Variants in DDX28 observed in about 807,000 individuals in gnomAD.
DDX28 encodes the protein DEAD-box helicase 28.
In DDX28, 25 loss-of-function variants were observed where a neutral mutation model predicts 26.8. The ratio of observed to expected loss-of-function variants is 0.93; its 90% confidence interval spans 0.68 to 1.30. The LOEUF is 1.30. DDX28 is among the 50% of genes most tolerant of loss of function. DDX28 has a pLI of 0.00. For synonymous variants in DDX28, 370 were observed against 311.9 expected (o/e 1.19, Z -1.96); for missense variants, 790 against 695.1 (o/e 1.14, Z -1.53).
In DDX28 at chr16:68,022,749, T is replaced by C. The variant is rs1357483595; in HGVS notation, c.454A>G (p.Thr152Ala). 1.9e-6 allele frequency: 3 copies of C among 1,612,482 alleles called. No individual in the cohort carries two copies. The Admixed American group carries it at 5.0e-5, about 27-fold the overall frequency. Reference protein sequence around the residue: ...QEAAPEVVQPTTVQSSTIPSL... With the variant: ...QEAAPEVVQPATVQSSTIPSL... ...GGGATGGTGCTAGACTGCACGGTTG[T>C]GGGCTGAACGACTTCAGGCGCAGCC... The change falls in exon 1 of 1, where the codon ACA becomes GCA. Residue 152 changes from threonine (T) to alanine (A), a missense_variant. Transcript: ENST00000332395.
rs775706536 is a variant in DDX28, at chr16:68,021,705, T to A, written c.1498A>T (p.Ile500Phe). 1.9e-6 allele frequency: 3 copies of A among 1,614,102 alleles called. No individual in the cohort carries two copies. In the East Asian group the frequency reaches 6.7e-5, roughly 36 times the overall value. The change falls in exon 1 of 1, where the codon ATC (isoleucine) becomes TTC (phenylalanine). Residue 500 changes from isoleucine to phenylalanine, a missense_variant. By Grantham distance (21) the Ile-to-Phe change is conservative (BLOSUM62 0). Transcript: ENST00000332395. The stretch of plus-strand genomic sequence containing the variant: ...TCCCAGGGATGGGTCACAAAACTGA[T>A]GACGGTGCCTGGCACCTCGCTCCCC... ...RVGSEVPGTV[I>F]SFVTHPWDVS...
In DDX28 at chr16:68,022,028, T is replaced by C; in HGVS notation, c.1175A>G (p.Glu392Gly). The change falls in exon 1 of 1, where the codon GAA (glutamate) becomes GGA (glycine). Residue 392 changes from glutamate to glycine, a missense_variant. Glu to Gly is a moderately conservative substitution (Grantham distance 98). Transcript: ENST00000332395. The part of the protein sequence containing the change: ...VHILKHRDRA[E>G]RTGPSGTVLV... Reference sequence around the variant, plus strand: ...AACAGTTCCTGAGGGACCAGTCCTTTCTGCTCTGTCACGATGCTTGAGGAT... The same window carrying C: ...AACAGTTCCTGAGGGACCAGTCCTTCCTGCTCTGTCACGATGCTTGAGGAT... The C allele has an allele frequency of 6.2e-7, 1 of 1,614,206 alleles. No homozygotes were observed. The highest frequency in any genetic ancestry group is 8.5e-7 in the Non-Finnish European group (1 of 1,180,036).
Position 68,022,525 on chromosome 16 carries a change from C to T in DDX28, c.678G>A (p.Leu226=), listed in dbSNP as rs751289432. The part of the protein sequence containing the change: ...AQQVRAVAQP[L]GRSLGLLVRD... ...GCACCAGCAGGCCCAAGGAGCGGCC[C>T]AAGGGTTGGGCCACAGCCCGCACCT... The change falls in exon 1 of 1, where the codon TTG becomes TTA. Residue 226 remains leucine, a synonymous_variant. Coordinates refer to ENST00000332395, the MANE Select transcript of DDX28 (RefSeq NM_018380.4). 4 of 1,613,924 alleles carry T rather than the reference C, an allele frequency of 2.5e-6. No homozygotes were observed. The highest frequency in any genetic ancestry group is 3.4e-6 in the Non-Finnish European group (4 of 1,180,032).
Position 68,022,768 on chromosome 16 carries a change from C to T in DDX28, c.435G>A (p.Ala145=). 1.9e-6 allele frequency: 3 copies of T among 1,611,088 alleles called. No homozygotes were observed. Among genetic ancestry groups the T allele is most frequent in the African/African-American group, 1.3e-5 (1 of 75,020 alleles). ...PRVLHALQEA[A]PEVVQPTTVQ... is the part of the protein sequence containing the mutation. ...CGGTTGTGGGCTGAACGACTTCAGG[C>T]GCAGCCTCCTGTAGTGCGTGCAGCA... Residue 145 remains alanine (A), a synonymous_variant, in exon 1 of 1, where the codon GCG becomes GCA. Coordinates refer to ENST00000332395, the MANE Select transcript of DDX28 (RefSeq NM_018380.4).
rs779768845 is a variant in DDX28 at position 68,023,006 on chromosome 16, G to A, written c.197C>T (p.Pro66Leu). ...LPRPVLVRPGPLLVSARRPEL... is the reference protein window; with the variant it reads ...LPRPVLVRPGLLLVSARRPEL... ...CGGCCGCCGCGCCGAAACCAGCAGC[G>A]GTCCGGGTCGAACCAGCACCGGCCT... The change falls in exon 1 of 1, where the codon CCG (proline) becomes CTG (leucine). Residue 66 changes from proline to leucine, a missense_variant. Pro to Leu is a moderately conservative substitution (Grantham distance 98). Coordinates refer to ENST00000332395, the MANE Select transcript of DDX28 (RefSeq NM_018380.4). The A allele has an allele frequency of 2.0e-5, 31 of 1,571,846 alleles. No homozygotes were observed. The highest frequency in any genetic ancestry group is 2.6e-5 in the Non-Finnish European group (30 of 1,167,516).
Position 68,022,666 on chromosome 16 carries a change from A to G in DDX28, c.537T>C (p.Thr179=). The change falls in exon 1 of 1, where the codon ACT becomes ACC. Residue 179 remains threonine (T), a synonymous_variant. Transcript: ENST00000332395. ...VCAAETGSGK[T]LSYLLPLLQR... ...GAAGCAGCGGCAGGAGGTAGCTGAG[A>G]GTCTTGCCACTGCCGGTTTCTGCGG... The G allele has an allele frequency of 2.5e-6, 4 of 1,613,178 alleles. No homozygotes were observed. The highest frequency in any genetic ancestry group is 3.4e-6 in the Non-Finnish European group (4 of 1,179,944).
In DDX28 at chr16:68,021,296, C is replaced by T. The variant is rs187325255; in HGVS notation, c.*284G>A. On this transcript the variant is annotated 3_prime_UTR_variant, in exon 1 of 1. Coordinates refer to ENST00000332395, the MANE Select transcript of DDX28 (RefSeq NM_018380.4). ...GAATTCCGCCCCGGTGCTAATTATT[C>T]TTAGGGGAGGCACATAAAAACATCA... The T allele has an allele frequency of 1.6e-4, 69 of 426,748 alleles. No homozygotes were observed. The East Asian group carries it at 2.5e-3, about 15-fold the overall frequency. The allele number at this position is 426,748 out of a possible 1,614,324, so 26.4% of individuals were successfully genotyped here.
Position 68,021,908 on chromosome 16 carries a change from G to GT in DDX28, c.1294_1295insA (p.Pro432HisfsTer42). On this transcript the variant is annotated frameshift_variant, in exon 1 of 1. Coordinates refer to ENST00000332395, the MANE Select transcript of DDX28 (RefSeq NM_018380.4). LOFTEE classifies it high-confidence loss of function. ...GAAGATTCCTACCCTCATCAAGGCTGGCATTTGCCCCTGCAACCTTAGGTG... is the reference window on the plus strand; with the variant it reads ...GAAGATTCCTACCCTCATCAAGGCTGTGCATTTGCCCCTGCAACCTTAGGTG... The GT allele has an allele frequency of 6.2e-7, 1 of 1,614,170 alleles. No individual in the cohort carries two copies. The highest frequency in any genetic ancestry group is 8.5e-7 in the Non-Finnish European group (1 of 1,180,036).
Position 68,021,994 on chromosome 16 carries a change from G to C in DDX28, c.1209C>G (p.Phe403Leu), listed in dbSNP as rs750911225. The change falls in exon 1 of 1, where the codon TTC becomes TTG. Residue 403 changes from phenylalanine (F) to leucine (L), a missense_variant. Physicochemically the swap from Phe to Leu is conservative, Grantham distance 22. Coordinates refer to ENST00000332395, the MANE Select transcript of DDX28 (RefSeq NM_018380.4). The stretch of plus-strand genomic sequence containing the variant: ...AGTTCACAGTGCTGGAGCTATTACA[G>C]AACACCAGAACAGTTCCTGAGGGAC... The part of the protein sequence containing the change: ...RTGPSGTVLV[F>L]CNSSSTVNWL... 1 of 1,614,196 alleles carries C rather than the reference G, an allele frequency of 6.2e-7. No homozygotes were observed. The highest frequency in any genetic ancestry group is 8.5e-7 in the Non-Finnish European group (1 of 1,180,038).
In DDX28 at chr16:68,022,551, G is replaced by C; in HGVS notation, c.652C>G (p.Gln218Glu). Residue 218 changes from glutamine (Q) to glutamate (E), a missense_variant, in exon 1 of 1, where the codon CAG becomes GAG. By Grantham distance (29) the Gln-to-Glu change is conservative (BLOSUM62 2). Transcript: ENST00000332395. ...VLVPSRELAQQVRAVAQPLGR... is the reference protein window; with the variant it reads ...VLVPSRELAQEVRAVAQPLGR... The stretch of plus-strand genomic sequence containing the variant: ...AAGGGTTGGGCCACAGCCCGCACCT[G>C]TTGGGCCAATTCTCGGGAAGGAACA... 6.2e-7 allele frequency: 1 copy of C among 1,614,004 alleles called. No individual in the cohort carries two copies. The highest frequency in any genetic ancestry group is 8.5e-7 in the Non-Finnish European group (1 of 1,180,026).
Position 68,021,463 on chromosome 16 carries a change from G to T in DDX28, c.*117C>A. 1 of 1,105,642 alleles carries T rather than the reference G, an allele frequency of 9.0e-7. No homozygotes were observed. Among genetic ancestry groups the T allele is most frequent in the Non-Finnish European group, 1.3e-6 (1 of 781,018 alleles). 68.5% of individuals were successfully genotyped at this position (1,105,642 alleles called of 1,614,324 possible). ...TCCAAGTCACAAAGCAGTTCATCCC[G>T]CCCTCAAGGAGCCGACAGGGCAGCC... On this transcript the variant is annotated 3_prime_UTR_variant, in exon 1 of 1. Transcript: ENST00000332395.
At position 68,021,277 on chromosome 16, in the gene DDX28, C is replaced by T. The variant is rs1210607257; in HGVS notation, c.*303G>A. The T allele has an allele frequency of 1.1e-5, 4 of 358,376 alleles. No individual in the cohort carries two copies. Among genetic ancestry groups the T allele is most frequent in the East Asian group, 1.2e-4 (2 of 16,534 alleles). The allele number at this position is 358,376 out of a possible 1,614,324, so 22.2% of individuals were successfully genotyped here. ...TGAATCCTCAGAAACTACTGAATTC[C>T]GCCCCGGTGCTAATTATTCTTAGGG... On this transcript the variant is annotated 3_prime_UTR_variant, in exon 1 of 1. Transcript: ENST00000332395.
chr16:68,022,570 A>C lies in DDX28; in HGVS notation c.633T>G (p.Pro211=). 6.2e-7 allele frequency: 1 copy of C among 1,614,006 alleles called. No homozygotes were observed. ...GCACCTGTTGGGCCAATTCTCGGGA[A>C]GGAACAAGGACCAGGCCTCGGGGCG... ...IPAPRGLVLV[P]SRELAQQVRA... The change falls in exon 1 of 1, where the codon CCT becomes CCG. Residue 211 remains proline, a synonymous_variant. Coordinates refer to ENST00000332395, the MANE Select transcript of DDX28 (RefSeq NM_018380.4).
At position 68,022,944 on chromosome 16, in the gene DDX28, A is replaced by G. The variant is rs1295729863; in HGVS notation, c.259T>C (p.Trp87Arg). ...NQPARLTLGRWERAPLASQGW... is the reference protein window; with the variant it reads ...NQPARLTLGRRERAPLASQGW... ...TGAGAGGCTAGCGGCGCGCGCTCCCAACGGCCCAGTGTGAGGCGCGCCGGC... is the reference window on the plus strand; with the variant it reads ...TGAGAGGCTAGCGGCGCGCGCTCCCGACGGCCCAGTGTGAGGCGCGCCGGC... Residue 87 changes from tryptophan (W) to arginine (R), a missense_variant, in exon 1 of 1, where the codon TGG becomes CGG. Trp to Arg is a moderately radical substitution (Grantham distance 101, BLOSUM62 -3). Coordinates refer to ENST00000332395, the MANE Select transcript of DDX28 (RefSeq NM_018380.4). 9.0e-6 allele frequency: 14 copies of G among 1,548,114 alleles called. No homozygotes were observed. Among genetic ancestry groups the G allele is most frequent in the Admixed American group, 1.9e-5 (1 of 51,374 alleles).
In DDX28 at chr16:68,021,551, G is replaced by C; in HGVS notation, c.*29C>G. ...GATACTGGGAAAGATCCCTGTTCTAGCATCACATTTTAATCAGATTTGTCA... is the reference window on the plus strand; with the variant it reads ...GATACTGGGAAAGATCCCTGTTCTACCATCACATTTTAATCAGATTTGTCA... On this transcript the variant is annotated 3_prime_UTR_variant, in exon 1 of 1. Coordinates refer to ENST00000332395, the MANE Select transcript of DDX28 (RefSeq NM_018380.4). The C allele has an allele frequency of 6.3e-7, 1 of 1,594,208 alleles. No homozygotes were observed. The highest frequency in any genetic ancestry group is 8.6e-7 in the Non-Finnish European group (1 of 1,168,590).
rs769891801 is a variant in DDX28, at chr16:68,022,679, C to A, written c.524G>T (p.Gly175Val). 1 of 1,613,210 alleles carries A rather than the reference C, an allele frequency of 6.2e-7. No homozygotes were observed. The highest frequency in any genetic ancestry group is 1.7e-5 in the Admixed American group (1 of 59,980). The part of the protein sequence containing the change: ...GRHVVCAAET[G>V]SGKTLSYLLP... ...GAGGTAGCTGAGAGTCTTGCCACTG[C>A]CGGTTTCTGCGGCGCAAACGACATG... Residue 175 changes from glycine to valine, a missense_variant, in exon 1 of 1, where the codon GGC (glycine) becomes GTC (valine). Gly to Val is a moderately radical substitution (Grantham distance 109). Coordinates refer to ENST00000332395, the MANE Select transcript of DDX28 (RefSeq NM_018380.4).
rs200912601 is a variant in DDX28 at position 68,022,190 on chromosome 16, C to G, written c.1013G>C (p.Gly338Ala). ...LVGATFPEGVGQLLNKVASPD... is the reference protein window; with the variant it reads ...LVGATFPEGVAQLLNKVASPD... ...GCTGGCGACTTTATTCAGCAACTGG[C>G]CTACACCTTCGGGAAATGTGGCTCC... The change falls in exon 1 of 1, where the codon GGC becomes GCC. Residue 338 changes from glycine (G) to alanine (A), a missense_variant. Transcript: ENST00000332395. 6.2e-7 allele frequency: 1 copy of G among 1,614,200 alleles called. No homozygotes were observed.
chr16:68,022,468 C>A lies in DDX28; in HGVS notation c.735G>T (p.Arg245Ser). ...RDLEGGHGMR[R>S]IRLQLSRQPS... ...GCTGTCTGGACAGCTGCAGCCTGAT[C>A]CTACGCATGCCGTGGCCTCCCTCCA... Residue 245 changes from arginine (R) to serine (S), a missense_variant, in exon 1 of 1, where the codon AGG (arginine) becomes AGT (serine). Coordinates refer to ENST00000332395, the MANE Select transcript of DDX28 (RefSeq NM_018380.4). The A allele has an allele frequency of 6.2e-7, 1 of 1,613,890 alleles. No individual in the cohort carries two copies. Among genetic ancestry groups the A allele is most frequent in the Non-Finnish European group, 8.5e-7 (1 of 1,180,036 alleles).
rs756425735 is a variant in DDX28, at chr16:68,021,894, C to T, written c.1309G>A (p.Val437Ile). The T allele has an allele frequency of 1.1e-5, 18 of 1,614,060 alleles. No individual in the cohort carries two copies. Among genetic ancestry groups the T allele is most frequent in the Non-Finnish European group, 1.4e-5 (17 of 1,180,038 alleles). The stretch of plus-strand genomic sequence containing the variant: ...TTCTGGAAGGACTGGAAGATTCCTA[C>T]CCTCATCAAGGCTGGCATTTGCCCC... ...LQGQMPALMR[V>I]GIFQSFQKSS... Residue 437 changes from valine (V) to isoleucine (I), a missense_variant, in exon 1 of 1, where the codon GTA becomes ATA. By Grantham distance (29) the Val-to-Ile change is conservative. Coordinates refer to ENST00000332395, the MANE Select transcript of DDX28 (RefSeq NM_018380.4).
Sources: gnomAD v4.1 joint callset for allele counts on GRCh38, gnomAD v4.1.1 for gene constraint, MANE v1.5 for transcripts, NCBI Gene and HGNC (gene_info 2026-07-23, HGNC 2026-07-21) for gene names.